Variants in DPP6 observed in about 807,000 individuals in gnomAD.
DPP6 encodes the protein A-type potassium channel modulatory protein DPP6.
DPP6 carries 69 observed loss-of-function variants against 122.6 expected under a neutral mutation model. The ratio of observed to expected loss-of-function variants is 0.56; its 90% CI spans 0.46 to 0.69. The LOEUF (loss-of-function observed/expected upper bound fraction) is 0.69, where lower values mean the gene tolerates loss of function less well. Ranked by LOEUF, DPP6 falls within the 30% of genes least tolerant of loss-of-function variation. The pLI is 0.00. For missense variants in DPP6, 928 were observed against 1,116.9 expected (o/e 0.83, Z 2.41); for synonymous variants, 418 against 433.1 (o/e 0.97, Z 0.43).
At chr7:154,669,559 T>A in intron 7 of DPP6, 118 bp downstream of exon 7, 1 of 1,412,322 alleles carries the variant, frequency 7.1e-7, no homozygotes, top group Non-Finnish European at 9.4e-7. Context: ...TGTGTGTGTG[T>A]GTGTGTGTAA....
At chr7:154,666,391 A>C (rs1004157317) in intron 6 of DPP6, among the ~76,000 whole-genome samples, 5 of 152,014 alleles carry the variant, frequency 3.3e-5, no homozygotes, top group Non-Finnish European at 7.3e-5. Context: ...TGATAATTAT[A>C]TATATTTACA....
intron 1 of DPP6, among the ~76,000 whole-genome samples, chr7:154,143,996 T>A (rs1371502791): frequency 6.6e-6 from 1 of 151,600 alleles, no homozygotes; most frequent in African/African-American, 2.4e-5. Flanking sequence ...TTTAGAAAAT[T>A]TATATCAGTT....
At chr7:154,458,214 AG>A (rs1820966916) in intron 2 of DPP6, among the ~76,000 whole-genome samples, 1 of 151,856 alleles carries the variant, frequency 6.6e-6, no homozygotes, top group Non-Finnish European at 1.5e-5. Context: ...ACCCAGTGGG[AG>A]GTAATTGAAT....
intron 16 of DPP6, among the ~76,000 whole-genome samples, chr7:154,832,545 A>G (rs1800712174): frequency 6.6e-6 from 1 of 152,128 alleles, no homozygotes; most frequent in African/African-American, 2.4e-5. Flanking sequence ...TGAGAATATT[A>G]AGACACTCGT....
At chr7:154,236,483 T>G (rs1375074758) in intron 1 of DPP6, among the ~76,000 whole-genome samples, 2 of 152,186 alleles carry the variant, frequency 1.3e-5, no homozygotes, top group Non-Finnish European at 2.9e-5. Flanking sequence ...GATCTCAAAG[T>G]AGTTTAAATT....
chr7:153,793,535 A>G, the DPP6 span, among the ~76,000 whole-genome samples: 1 of 151,070 alleles, frequency 6.6e-6, no homozygotes, highest in African/African-American at 2.4e-5. Flanking sequence ...GCAGAGCATA[A>G]AAGTTCAGAA....
At chr7:154,674,516 C>T (rs1180923426) in intron 7 of DPP6, among the ~76,000 whole-genome samples, 1 of 152,102 alleles carries the variant, frequency 6.6e-6, no homozygotes, top group African/African-American at 2.4e-5. Context: ...GGAAATTTTC[C>T]CAAGAAAGAC....
chr7:154,099,508 C>T (rs1805583432), intron 1 of DPP6, among the ~76,000 whole-genome samples: 1 of 151,986 alleles, frequency 6.6e-6, no homozygotes, highest in South Asian at 2.1e-4. Context: ...AAAAGCGTGG[C>T]CAAGAGGTCA....
At chr7:154,841,378 TGCCTCAGC>T (rs1801533984) in intron 16 of DPP6, among the ~76,000 whole-genome samples, 1 of 148,802 alleles carries the variant, frequency 6.7e-6, no homozygotes, top group Non-Finnish European at 1.5e-5. Flanking sequence ...CCTGCAGGCT[TGCCTCAGC>T]GCACAAAACT....
rs188096927 is a variant in DPP6, at chr7:154,067,617, T to G, written c.243+14554T>G. 1.6e-3 allele frequency among the ~76,000 whole-genome samples: 243 copies of G among 152,252 alleles called. 2 individuals carry two copies. In the South Asian group the frequency reaches 0.026, roughly 16 times the overall value. Reference sequence around the variant, plus strand: ...GGGCTCAGGCCTCAGATGACTTTTTTTAAGGTCATGGGGAGTCATTTGAAA... The same window carrying G: ...GGGCTCAGGCCTCAGATGACTTTTTGTAAGGTCATGGGGAGTCATTTGAAA... On this transcript the variant is annotated intron_variant, in intron 1 of 25. Transcript: ENST00000377770.
chr7:154,134,756 ACCT>A (rs1795457550), intron 1 of DPP6, among the ~76,000 whole-genome samples: 2 of 151,702 alleles, frequency 1.3e-5, no homozygotes, highest in Admixed American at 6.6e-5. Flanking sequence ...GTGAGTGAAC[ACCT>A]CCTATGAGCC....
intron 2 of DPP6, among the ~76,000 whole-genome samples, chr7:154,450,008 CTAAATAAATAAA>C (rs66665335): frequency 0.019 from 2,570 of 138,286 alleles, 71 homozygotes; most frequent in African/African-American, 0.06. Context: ...GACTCCATCT[CTAAATAAATAAA>C]TAAATAAATA....
intron 3 of DPP6, among the ~76,000 whole-genome samples, chr7:154,525,539 T>C (rs1428496453): frequency 6.6e-6 from 1 of 152,204 alleles, no homozygotes; most frequent in Non-Finnish European, 1.5e-5. Flanking sequence ...CGGAATTGTT[T>C]ATTTTCTTGG....
chr7:153,830,235 CA>C, the DPP6 span, among the ~76,000 whole-genome samples: 1 of 152,106 alleles, frequency 6.6e-6, no homozygotes, highest in Non-Finnish European at 1.5e-5. Context: ...CATTGTTAGC[CA>C]AAAAGCCCTC....
At chr7:154,890,846 A>T (rs1452409366) in intron 25 of DPP6, 1 of 152,240 alleles carries the variant, frequency 6.6e-6, no homozygotes, top group Non-Finnish European at 1.5e-5. Flanking sequence ...TAATGACAGC[A>T]TTAATAAATA....
intron 1 of DPP6, among the ~76,000 whole-genome samples, chr7:154,275,070 C>T (rs1191895390): frequency 6.6e-6 from 1 of 152,272 alleles, no homozygotes; most frequent in Non-Finnish European, 1.5e-5. Flanking sequence ...GCACCTGTGT[C>T]CTTTCATTGG....
At chr7:154,013,907 G>A (rs1243061693) in intron 1 of DPP6, among the ~76,000 whole-genome samples, 1 of 151,066 alleles carries the variant, frequency 6.6e-6, no homozygotes, top group Non-Finnish European at 1.5e-5. Flanking sequence ...ACATTGTGAG[G>A]GAGGAGTGAC....
At chr7:153,831,526 G>A in the DPP6 span, among the ~76,000 whole-genome samples, 3 of 152,288 alleles carry the variant, frequency 2.0e-5, no homozygotes, top group South Asian at 2.1e-4. Flanking sequence ...CATAGTTGAC[G>A]ATTTTGGATT....
chr7:153,913,622 C>T lies in DPP6; in HGVS notation c.51+25888C>T, dbSNP rs1173887454. 2.0e-5 allele frequency among the ~76,000 whole-genome samples: 3 copies of T among 152,278 alleles called. No homozygotes were observed. In the South Asian group the frequency reaches 6.2e-4, roughly 32 times the overall value. On this transcript the variant is annotated intron_variant, in intron 1 of 25. Coordinates refer to the DPP6 transcript ENST00000404039. ...TATTCAGTATTTGAGGAAATCATCACATCTCCCTTTAGCATTCTTTTGGCA... is the reference window on the plus strand; with the variant it reads ...TATTCAGTATTTGAGGAAATCATCATATCTCCCTTTAGCATTCTTTTGGCA...
Sources: allele counts gnomAD v4.1 joint callset (sites outside exome capture counted in the v4.1 genomes callset), GRCh38; gene constraint gnomAD v4.1.1; transcripts MANE v1.5; gene names NCBI Gene and HGNC (gene_info 2026-07-23, HGNC 2026-07-21).